The following PREX2 variants were observed in gnomAD, a reference collection of about 807,000 sequenced individuals.
The protein encoded by PREX2 is phosphatidylinositol-3,4,5-trisphosphate dependent Rac exchange factor 2.
Under a neutral mutation model 203.2 loss-of-function variants are expected in PREX2, and 107 were observed. The ratio of observed to expected loss-of-function variants is 0.53; its 90% CI spans 0.45 to 0.62. The LOEUF is 0.62. PREX2 is among the 20% of genes least tolerant of loss of function. The pLI is 0.00. For missense variants in PREX2, 1,777 were observed against 1,955.9 expected (o/e 0.91, Z 1.72); for synonymous variants, 672 against 663.6 (o/e 1.01, Z -0.19).
intron 8 of PREX2, among the ~76,000 whole-genome samples, chr8:68,047,505 A>G (rs1808400114): frequency 1.8e-5 from 1 of 56,434 alleles, no homozygotes; most frequent in African/African-American, 2.0e-4. Flanking sequence ...ATATATATAT[A>G]TACACATACA....
intron 1 of PREX2, among the ~76,000 whole-genome samples, chr8:67,988,109 G>A (rs1806490242): frequency 6.6e-6 from 1 of 152,174 alleles, no homozygotes; most frequent in South Asian, 2.1e-4. Flanking sequence ...TCTAGTCATA[G>A]ACTTTTGGAT....
intron 3 of PREX2, among the ~76,000 whole-genome samples, chr8:68,019,939 A>T (rs1427245478): frequency 4.6e-5 from 7 of 152,212 alleles, no homozygotes; most frequent in Non-Finnish European, 1.0e-4. Flanking sequence ...ATTCTAATGA[A>T]TATTCAGGCT....
intron 8 of PREX2, among the ~76,000 whole-genome samples, chr8:68,051,098 A>G (rs1046182114): frequency 3.3e-5 from 5 of 152,242 alleles, no homozygotes; most frequent in East Asian, 3.9e-4. Flanking sequence ...TGAAGAGGCC[A>G]GTGACCAGAC....
chr8:68,066,980 G>A (rs1809033949), intron 11 of PREX2, among the ~76,000 whole-genome samples: 2 of 152,048 alleles, frequency 1.3e-5, no homozygotes, highest in Admixed American at 1.3e-4. Context: ...ATTTATTGAA[G>A]AGACTATCTT....
intron 32 of PREX2, among the ~76,000 whole-genome samples, chr8:68,137,581 T>G (rs1811137709): frequency 6.6e-6 from 1 of 152,168 alleles, no homozygotes; most frequent in Non-Finnish European, 1.5e-5. Flanking sequence ...ATTGACATTC[T>G]TAAGGAAACA....
At chr8:68,191,640 AG>A in intron 35 of PREX2, 81 bp from the exon 36 acceptor site, 1 of 985,386 alleles carries the variant, frequency 1.0e-6, no homozygotes, top group Non-Finnish European at 1.6e-6. Flanking sequence ...TTTAAAAAAA[AG>A]TCAGTGATTC....
intron 11 of PREX2, among the ~76,000 whole-genome samples, chr8:68,066,621 C>T (rs531173034): frequency 1.2e-4 from 18 of 152,112 alleles, no homozygotes; most frequent in South Asian, 1.0e-3. Flanking sequence ...TATTTGCCTC[C>T]TACTGAATAT....
chr8:68,033,662 C>T (rs569069515), intron 6 of PREX2, among the ~76,000 whole-genome samples: 5 of 152,184 alleles, frequency 3.3e-5, no homozygotes, highest in East Asian at 3.9e-4. Context: ...TAATTTTTTC[C>T]GTCTTTATAT....
At chr8:68,052,973 T>C (rs1235953011) in intron 8 of PREX2, 124 bp from the exon 9 acceptor site, 2 of 785,340 alleles carry the variant, frequency 2.5e-6, no homozygotes, top group African/African-American at 3.5e-5. Context: ...AATATACATA[T>C]GTAAAGCAAA....
intron 37 of PREX2, among the ~76,000 whole-genome samples, chr8:68,204,470 G>A (rs938058241): frequency 1.3e-5 from 2 of 151,974 alleles, no homozygotes; most frequent in Non-Finnish European, 2.9e-5. Flanking sequence ...CCTGTGCAGC[G>A]CTGAAAATGC....
At chr8:68,198,135 T>C (rs1175877340) in intron 37 of PREX2, among the ~76,000 whole-genome samples, 1 of 152,196 alleles carries the variant, frequency 6.6e-6, no homozygotes, top group East Asian at 1.9e-4. Context: ...ACCAGTGGAA[T>C]AGATAGTTGT....
chr8:68,064,855 C>A (rs1244665716), intron 11 of PREX2, among the ~76,000 whole-genome samples: 1 of 152,030 alleles, frequency 6.6e-6, no homozygotes, highest in Non-Finnish European at 1.5e-5. Context: ...TGAAATTGGC[C>A]AGAGTGGGAA....
At chr8:68,063,819 A>G (rs1350745826) in intron 11 of PREX2, among the ~76,000 whole-genome samples, 1 of 152,210 alleles carries the variant, frequency 6.6e-6, no homozygotes, top group Non-Finnish European at 1.5e-5. Flanking sequence ...GAGAGAACAT[A>G]TTATGCAATT....
chr8:67,976,904 G>C (rs572165186), intron 1 of PREX2, among the ~76,000 whole-genome samples: 1 of 152,308 alleles, frequency 6.6e-6, no homozygotes, highest in East Asian at 1.9e-4. Flanking sequence ...GGATCCTCCA[G>C]CCACCCCAGC....
At chr8:68,105,122 AC>A (rs1310367037) in intron 23 of PREX2, 49 of 1,366,822 alleles carry the variant, frequency 3.6e-5, no homozygotes, top group Non-Finnish European at 4.7e-5. Context: ...CAAGAACTGT[AC>A]CTTCCATATT....
chr8:68,136,825 C>G (rs745817230), intron 32 of PREX2, among the ~76,000 whole-genome samples: 15 of 152,028 alleles, frequency 9.9e-5, no homozygotes, highest in Non-Finnish European at 1.8e-4. Context: ...TCCACTGATT[C>G]TTTTTCACAG....
chr8:67,952,209 A>T lies in PREX2; in HGVS notation c.-186A>T. 2.2e-6 allele frequency: 1 copy of T among 449,112 alleles called. No homozygotes were observed. The highest frequency in any genetic ancestry group is 3.6e-6 in the Non-Finnish European group (1 of 281,416). The allele number at this position is 449,112 out of a possible 1,614,324, so 27.8% of individuals were successfully genotyped here. A position where few individuals can be genotyped will look rare whatever the true frequency, so the allele number is the denominator to read the frequency against. Reference sequence around the variant, plus strand: ...AGAGCCCCGCGCCCCCCGCGCCGGGATTTCAGCCCGATCCCCTCCTCTCCC... The same window carrying T: ...AGAGCCCCGCGCCCCCCGCGCCGGGTTTTCAGCCCGATCCCCTCCTCTCCC... On this transcript the variant is annotated 5_prime_UTR_variant, in exon 1 of 40. Coordinates refer to ENST00000288368, the MANE Select transcript of PREX2 (RefSeq NM_024870.4).
chr8:68,087,046 TTC>T (rs1809714172), intron 18 of PREX2, among the ~76,000 whole-genome samples: 1 of 152,188 alleles, frequency 6.6e-6, no homozygotes, highest in African/African-American at 2.4e-5. Flanking sequence ...GGAGAAAAGT[TTC>T]TGTTTTATTA....
chr8:68,113,050 G>A (rs1008030043), intron 25 of PREX2, among the ~76,000 whole-genome samples: 1 of 152,188 alleles, frequency 6.6e-6, no homozygotes. Flanking sequence ...TGGACCTCTA[G>A]TAGGTAACTT....
Sources: allele counts gnomAD v4.1 joint callset (sites outside exome capture counted in the v4.1 genomes callset), GRCh38; gene constraint gnomAD v4.1.1; transcripts MANE v1.5; gene names NCBI Gene and HGNC (gene_info 2026-07-23, HGNC 2026-07-21).